The following CAMKMT variants were observed in gnomAD, a reference collection of about 807,000 sequenced individuals.
CAMKMT encodes the protein calmodulin-lysine N-methyltransferase, also known as CaM KMT.
In CAMKMT, 53 loss-of-function variants were observed where a neutral mutation model predicts 48.0. The observed-to-expected ratio is 1.10, with a 90% confidence interval of 0.89 to 1.39. The LOEUF is 1.39. Among genes scored for constraint, CAMKMT ranks in the 40% most tolerant of loss-of-function variants. The probability of loss-of-function intolerance (pLI) is 0.00; values close to 1 mark genes in which losing one functional copy is unlikely to be tolerated. For missense variants in CAMKMT, 428 were observed against 402.7 expected (o/e 1.06, Z -0.54); for synonymous variants, 165 against 152.3 (o/e 1.08, Z -0.61).
chr2:44,601,609 C>T (rs1400541695), intron 3 of CAMKMT, among the ~76,000 whole-genome samples: 1 of 152,042 alleles, frequency 6.6e-6, no homozygotes, highest in Non-Finnish European at 1.5e-5. Context: ...TCTGTTCTCA[C>T]ATGTAGTGAC....
At chr2:44,669,268 A>G (rs762946701) in intron 3 of CAMKMT, among the ~76,000 whole-genome samples, 10 of 152,136 alleles carry the variant, frequency 6.6e-5, no homozygotes, top group Non-Finnish European at 1.0e-4. Context: ...TGTATAATTC[A>G]TTTTTACTGC....
intron 3 of CAMKMT, among the ~76,000 whole-genome samples, chr2:44,676,977 T>A (rs1296599488): frequency 6.6e-6 from 1 of 152,192 alleles, no homozygotes; most frequent in Non-Finnish European, 1.5e-5. Context: ...CCACTGTATT[T>A]TAGCATTATG....
At chr2:44,580,057 C>T (rs575725094) in intron 3 of CAMKMT, among the ~76,000 whole-genome samples, 12 of 152,052 alleles carry the variant, frequency 7.9e-5, no homozygotes, top group Non-Finnish European at 1.3e-4. Context: ...TCAGTGCCCA[C>T]GCACCCAGGG....
At chr2:44,635,357 A>G (rs1673067587) in intron 3 of CAMKMT, among the ~76,000 whole-genome samples, 1 of 152,228 alleles carries the variant, frequency 6.6e-6, no homozygotes. Flanking sequence ...CTATATATCC[A>G]GCCTATAAAA....
intron 3 of CAMKMT, among the ~76,000 whole-genome samples, chr2:44,555,352 A>G (rs1667950729): frequency 1.3e-5 from 2 of 152,172 alleles, no homozygotes; most frequent in African/African-American, 4.8e-5. Flanking sequence ...GATAAGGGAC[A>G]AGGGACAGGT....
At chr2:44,762,998 T>G (rs878924211) in intron 9 of CAMKMT, among the ~76,000 whole-genome samples, 1 of 152,242 alleles carries the variant, frequency 6.6e-6, no homozygotes, top group African/African-American at 2.4e-5. Flanking sequence ...TTTTCTGGTT[T>G]TGATTTGTGC....
At chr2:44,613,772 T>A (rs1671722134) in intron 3 of CAMKMT, among the ~76,000 whole-genome samples, 1 of 152,172 alleles carries the variant, frequency 6.6e-6, no homozygotes, top group Non-Finnish European at 1.5e-5. Flanking sequence ...GGAGATTAAG[T>A]CCATATCAGC....
intron 3 of CAMKMT, among the ~76,000 whole-genome samples, chr2:44,406,720 C>T (rs1026808028): frequency 2.6e-5 from 4 of 152,164 alleles, no homozygotes; most frequent in Non-Finnish European, 4.4e-5. Flanking sequence ...CCTCAGCCTC[C>T]CAAGTAGCTG....
chr2:44,374,323 A>G (rs1172921005), intron 2 of CAMKMT, among the ~76,000 whole-genome samples: 3 of 152,170 alleles, frequency 2.0e-5, no homozygotes, highest in Non-Finnish European at 4.4e-5. Context: ...TGTCAGGTAC[A>G]GAGCTAGGTG....
chr2:44,430,861 T>A (rs1684608387), intron 3 of CAMKMT, among the ~76,000 whole-genome samples: 1 of 152,068 alleles, frequency 6.6e-6, no homozygotes, highest in Non-Finnish European at 1.5e-5. Context: ...TTACATGAGA[T>A]TAGGAAAAGA....
chr2:44,479,282 A>G (rs1007011498), intron 3 of CAMKMT, among the ~76,000 whole-genome samples: 1 of 152,168 alleles, frequency 6.6e-6, no homozygotes, highest in African/African-American at 2.4e-5. Context: ...GTCTCAGTAG[A>G]GTACCTCTCT....
chr2:44,592,991 A>G (rs190686686), intron 3 of CAMKMT, among the ~76,000 whole-genome samples: 2 of 152,330 alleles, frequency 1.3e-5, no homozygotes, highest in African/African-American at 2.4e-5. Flanking sequence ...TGTTATATCA[A>G]TTATAACATG....
chr2:44,470,694 G>C (rs186258418), intron 3 of CAMKMT, among the ~76,000 whole-genome samples: 11 of 152,218 alleles, frequency 7.2e-5, no homozygotes, highest in Admixed American at 4.6e-4. Flanking sequence ...TAATATATAT[G>C]CATGTCTGTT....
At chr2:44,659,949 AT>A (rs1266137334) in intron 3 of CAMKMT, among the ~76,000 whole-genome samples, 10 of 152,318 alleles carry the variant, frequency 6.6e-5, no homozygotes, top group Non-Finnish European at 1.5e-4. Context: ...ACTTTTAAAA[AT>A]TATTGAAGAC....
At chr2:44,580,721 A>G (rs1477461896) in intron 3 of CAMKMT, among the ~76,000 whole-genome samples, 3 of 152,228 alleles carry the variant, frequency 2.0e-5, no homozygotes, top group Admixed American at 6.5e-5. Context: ...CAGTGCAATC[A>G]TAGCAGTATC....
intron 3 of CAMKMT, among the ~76,000 whole-genome samples, chr2:44,666,035 G>A (rs1674947457): frequency 6.6e-6 from 1 of 152,220 alleles, no homozygotes; most frequent in South Asian, 2.1e-4. Context: ...GTGAATTTAG[G>A]AGAAGATAGA....
intron 3 of CAMKMT, among the ~76,000 whole-genome samples, chr2:44,670,831 G>A (rs1675285569): frequency 6.6e-6 from 1 of 152,114 alleles, no homozygotes; most frequent in Non-Finnish European, 1.5e-5. Flanking sequence ...CGCTGCCTCA[G>A]CCAGGTCTGT....
chr2:44,424,415 G>A (rs557972724), intron 3 of CAMKMT, among the ~76,000 whole-genome samples: 33 of 152,154 alleles, frequency 2.2e-4, no homozygotes, highest in African/African-American at 6.7e-4. Flanking sequence ...GATACATTGC[G>A]CAAGTGGGGG....
At chr2:44,409,948 T>C (rs1020666175) in intron 3 of CAMKMT, among the ~76,000 whole-genome samples, 25 of 152,248 alleles carry the variant, frequency 1.6e-4, no homozygotes, top group Middle Eastern at 3.4e-3. Context: ...GTTTAGAGTT[T>C]AATGAAATAG....
Sources: gnomAD v4.1 joint callset for allele counts (sites outside exome capture counted in the v4.1 genomes callset) on GRCh38, gnomAD v4.1.1 for gene constraint, MANE v1.5 for transcripts, NCBI Gene and HGNC (gene_info 2026-07-23, HGNC 2026-07-21) for gene names.